The following MMP1 variants were observed in gnomAD, a reference collection of about 807,000 sequenced individuals.
MMP1 encodes the protein matrix metallopeptidase 1.
MMP1 carries 51 observed loss-of-function variants against 49.6 expected under a neutral mutation model. The ratio of observed to expected loss-of-function variants is 1.03; its 90% CI spans 0.82 to 1.30. The LOEUF (loss-of-function observed/expected upper bound fraction) is 1.30. MMP1 is among the 50% of genes most tolerant of loss of function. MMP1 has a pLI of 0.00. For synonymous variants in MMP1, 230 were observed against 196.8 expected (o/e 1.17, Z -1.41); for missense variants, 623 against 568.7 (o/e 1.10, Z -0.97).
chr11:102,797,072 C>A lies in MMP1; in HGVS notation c.441G>T (p.Leu147=). The part of the protein sequence containing the change: ...AFQLWSNVTP[L]TFTKVSEGQA... ...GACCCTCAGAGACCTTGGTGAATGT[C>A]AGAGGTGTGACATTACTCCAGAGTT... Residue 147 remains leucine (L), a synonymous_variant, in exon 3 of 10, where the codon CTG becomes CTT. Coordinates refer to ENST00000315274, the MANE Select transcript of MMP1 (RefSeq NM_002421.4). The A allele has an allele frequency of 1.9e-6, 3 of 1,614,154 alleles. No individual in the cohort carries two copies. Among genetic ancestry groups the A allele is most frequent in the Non-Finnish European group, 2.5e-6 (3 of 1,180,030 alleles).
In MMP1 at chr11:102,795,487, G is replaced by A; in HGVS notation, c.746C>T (p.Ala249Val). 1 of 1,614,046 alleles carries A rather than the reference G, an allele frequency of 6.2e-7. No homozygotes were observed. The highest frequency in any genetic ancestry group is 8.5e-7 in the Non-Finnish European group (1 of 1,179,998). ...TTGGATGCCATCAATGTCATCCTGA[G>A]CTAGCTGAACATCACCACTGAAGGT... ...SYTFSGDVQL[A>V]QDDIDGIQAI... is the part of the protein sequence containing the mutation. Residue 249 changes from alanine (A) to valine (V), a missense_variant, in exon 5 of 10, where the codon GCT becomes GTT. By Grantham distance (64) the Ala-to-Val change is moderately conservative (BLOSUM62 0). Transcript: ENST00000315274.
chr11:102,797,907 C>A (rs1032595487), intron 1 of MMP1, 81 bp downstream of exon 1: 1 of 1,060,574 alleles, frequency 9.4e-7, no homozygotes, highest in Admixed American at 2.8e-5. Flanking sequence ...AGAAACCTAT[C>A]CTTAAAAAAC....
chr11:102,796,389 A>G (rs1415226779), intron 4 of MMP1, among the ~76,000 whole-genome samples: 3 of 152,244 alleles, frequency 2.0e-5, no homozygotes, highest in African/African-American at 4.8e-5. Context: ...TCTTCTAATG[A>G]AAAAGTTTCA....
At chr11:102,791,988 C>T (rs1249599146) in intron 7 of MMP1, among the ~76,000 whole-genome samples, 1 of 152,150 alleles carries the variant, frequency 6.6e-6, no homozygotes, top group East Asian at 1.9e-4. Flanking sequence ...GTCCAGATTC[C>T]GTGTTTATAC....
At position 102,790,085 on chromosome 11, in the gene MMP1, A is replaced by T. The variant is rs181901693; in HGVS notation, c.*327T>A. 128 of 175,794 alleles carry T rather than the reference A, an allele frequency of 7.3e-4. 2 individuals are homozygous for T. The Admixed American group carries it at 7.8e-3, about 11-fold the overall frequency. 10.9% of individuals were successfully genotyped at this position (175,794 alleles called of 1,614,324 possible). ...TGTCTCCTGTCTCTTTCTGTCTTGA[A>T]AGGATATGTTTGTCACTGAAGCTGC... On this transcript the variant is annotated 3_prime_UTR_variant, in exon 10 of 10. Transcript: ENST00000315274.
rs765703758 is a variant in MMP1, at chr11:102,792,686, A to G, written c.952T>C (p.Ser318Pro). The stretch of plus-strand genomic sequence containing the variant: ...TTTGGCAGTTGTGGCCAGAAAACAG[A>G]AATGAAATTGAGCTCAACTTCCGGG... ...FYPEVELNFI[S>P]VFWPQLPNGL... Residue 318 changes from serine to proline, a missense_variant, in exon 7 of 10, where the codon TCT becomes CCT. Transcript: ENST00000315274. 56 of 1,613,780 alleles carry G rather than the reference A, an allele frequency of 3.5e-5. 1 individual carries two copies. Among genetic ancestry groups the G allele is most frequent in the Admixed American group, 2.8e-4 (17 of 59,994 alleles).
rs754500530 is a variant in MMP1 at position 102,797,404 on chromosome 11, G to T, written c.202C>A (p.Gln68Lys). ...GPVVEKLKQM[Q>K]EFFGLKVTGK... is the part of the protein sequence containing the mutation. ...GTCACTTTCAGCCCAAAGAATTCCTGCATTTGCTTCAATTTTTCAACCACT... is the reference window on the plus strand; with the variant it reads ...GTCACTTTCAGCCCAAAGAATTCCTTCATTTGCTTCAATTTTTCAACCACT... Residue 68 changes from glutamine to lysine, a missense_variant, in exon 2 of 10, where the codon CAG (glutamine) becomes AAG (lysine). Gln to Lys is a moderately conservative substitution (Grantham distance 53). Transcript: ENST00000315274. 9 of 1,614,154 alleles carry T rather than the reference G, an allele frequency of 5.6e-6. No homozygotes were observed. In the South Asian group the frequency reaches 8.8e-5, roughly 16 times the overall value.
chr11:102,797,954 T>C (rs767373628), intron 1 of MMP1, 34 bp downstream of exon 1: 10 of 1,472,066 alleles, frequency 6.8e-6, no homozygotes, highest in Non-Finnish European at 9.4e-6. Flanking sequence ...AAACTAAAAA[T>C]TTACATTATT....
At chr11:102,792,537 A>G (rs1591078318) in intron 7 of MMP1, 68 bp downstream of exon 7, 2 of 1,495,842 alleles carry the variant, frequency 1.3e-6, no homozygotes, top group African/African-American at 1.4e-5. Flanking sequence ...TAGTAACCTT[A>G]TATCTCAGCC....
chr11:102,796,562 AT>A (rs747963503), intron 4 of MMP1, 101 bp downstream of exon 4: 20 of 1,364,190 alleles, frequency 1.5e-5, no homozygotes, highest in Non-Finnish European at 1.9e-5. Context: ...TAATAGAAAA[AT>A]ATATACTTCT....
At chr11:102,793,007 A>G (rs1256805502) in intron 6 of MMP1, 1 of 255,592 alleles carries the variant, frequency 3.9e-6, no homozygotes, top group East Asian at 7.1e-5. Flanking sequence ...AACATAAATA[A>G]GTAGAAAAAT....
Position 102,790,810 on chromosome 11 carries a change from G to A in MMP1, c.1197-4C>T. 1 of 1,557,000 alleles carries A rather than the reference G, an allele frequency of 6.4e-7. No homozygotes were observed. The highest frequency in any genetic ancestry group is 8.9e-7 in the Non-Finnish European group (1 of 1,128,656). On this transcript the variant is annotated splice_region_variant and splice_polypyrimidine_tract_variant and intron_variant, in intron 8 of 9. Transcript: ENST00000315274. The stretch of plus-strand genomic sequence containing the variant: ...AGATCGTTTATATTCATCATACCTG[G>A]TCAGAAAAGAGTTAAGAGTGTCAGA...
At chr11:102,795,741 A>G (rs1858170110) in intron 4 of MMP1, 134 bp from the exon 5 acceptor site, 2 of 738,638 alleles carry the variant, frequency 2.7e-6, no homozygotes, top group Non-Finnish European at 4.2e-6. Flanking sequence ...ATATGCATGT[A>G]TATCTTTTTT....
rs567735411 is a variant in MMP1 at position 102,791,335 on chromosome 11, C to G, written c.1194G>C (p.Trp398Cys). Residue 398 changes from tryptophan (W) to cysteine (C), a missense_variant and splice_region_variant, in exon 8 of 10, where the codon TGG becomes TGC. Physicochemically the swap from Trp to Cys is radical, Grantham distance 215 (BLOSUM62 -2). Transcript: ENST00000315274. ...KTYFFVANKY[W>C]RYDEYKRSMD... ...ACATTCTCTGCACTTAAACTTACCT[C>G]CAGTATTTGTTAGCAACAAAGAAGT... 2.5e-6 allele frequency: 4 copies of G among 1,613,694 alleles called. No homozygotes were observed. In the African/African-American group the frequency reaches 4.0e-5, roughly 16 times the overall value.
In MMP1 at chr11:102,792,751, A is replaced by T. The variant is rs1144391; in HGVS notation, c.900-13T>A. The T allele has an allele frequency of 0.34, 541,607 of 1,602,238 alleles. 94,512 individuals carry two copies. The highest frequency in any genetic ancestry group is 0.36 in the Non-Finnish European group (424,259 of 1,172,336). On this transcript the variant is annotated splice_polypyrimidine_tract_variant and intron_variant, in intron 6 of 9. Transcript: ENST00000315274. ...GCGCATGTAGAATCTGATTAGAAAA[A>T]AAGCAAGAAAAGTTTCCATCTAATT...
Position 102,795,487 on chromosome 11 carries a change from G to T in MMP1, c.746C>A (p.Ala249Asp). ...TTGGATGCCATCAATGTCATCCTGA[G>T]CTAGCTGAACATCACCACTGAAGGT... is the stretch of plus-strand genomic sequence containing the variant. Reference protein sequence around the residue: ...SYTFSGDVQLAQDDIDGIQAI... With the variant: ...SYTFSGDVQLDQDDIDGIQAI... The change falls in exon 5 of 10, where the codon GCT becomes GAT. Residue 249 changes from alanine (A) to aspartate (D), a missense_variant. Transcript: ENST00000315274. 1 of 1,614,046 alleles carries T rather than the reference G, an allele frequency of 6.2e-7. No homozygotes were observed. The highest frequency in any genetic ancestry group is 8.5e-7 in the Non-Finnish European group (1 of 1,179,998).
At chr11:102,790,612 CA>C (rs1565459137) in intron 9 of MMP1, 90 bp downstream of exon 9, 3 of 1,327,578 alleles carry the variant, frequency 2.3e-6, no homozygotes, top group Non-Finnish European at 3.2e-6. Flanking sequence ...TCTGTGAGCA[CA>C]GATATTTTTG....
rs781662103 is a variant in MMP1, at chr11:102,797,141, A to G, written c.372T>C (p.Asp124=). ...CATGGTCCACATCTGCTCTTGGCAA[A>G]TCTGGCGTGTAATTTTCAATCCTTA... The part of the protein sequence containing the change: ...LTYRIENYTP[D]LPRADVDHAI... The change falls in exon 3 of 10, where the codon GAT becomes GAC. Residue 124 remains aspartate, a synonymous_variant. Transcript: ENST00000315274. 13 of 1,614,002 alleles carry G rather than the reference A, an allele frequency of 8.1e-6. No homozygotes were observed. In the Middle Eastern group the frequency reaches 1.3e-3, roughly 163 times the overall value.
chr11:102,797,827 G>A (rs139997467), intron 1 of MMP1, among the ~76,000 whole-genome samples, 161 bp downstream of exon 1: 185 of 151,702 alleles, frequency 1.2e-3, no homozygotes, highest in African/African-American at 4.1e-3. Flanking sequence ...AAAAGAGAGC[G>A]TATGCATGGC....
Sources: gnomAD v4.1 joint callset for allele counts (sites outside exome capture counted in the v4.1 genomes callset) on GRCh38, gnomAD v4.1.1 for gene constraint, MANE v1.5 for transcripts, NCBI Gene and HGNC (gene_info 2026-07-23, HGNC 2026-07-21) for gene names.